Variants in INPP4A observed in about 807,000 individuals in gnomAD.
INPP4A encodes inositol polyphosphate-4-phosphatase, type I, 107kD.
INPP4A carries 33 observed loss-of-function variants against 119.8 expected under a neutral mutation model. That is an observed-to-expected ratio of 0.28 (90% CI 0.21 to 0.37). The LOEUF (loss-of-function observed/expected upper bound fraction) is 0.37, where lower values mean the gene tolerates loss of function less well. INPP4A is among the 10% of genes least tolerant of loss of function. The probability of loss-of-function intolerance (pLI) is 1.00; values close to 1 mark genes in which losing one functional copy is unlikely to be tolerated. For synonymous variants in INPP4A, 496 were observed against 500.7 expected (o/e 0.99, Z 0.12); for missense variants, 956 against 1,289.9 (o/e 0.74, Z 3.97).
At chr2:98,472,794 G>C (rs917833198) in intron 1 of INPP4A, among the ~76,000 whole-genome samples, 1 of 152,228 alleles carries the variant, frequency 6.6e-6, no homozygotes, top group Non-Finnish European at 1.5e-5. Context: ...GCAGTGACTT[G>C]CCCAGAGTCT....
Position 98,589,534 on chromosome 2 carries a change from A to C in INPP4A, c.*1926A>C, listed in dbSNP as rs1457571213. 5.5e-6 allele frequency: 1 copy of C among 180,224 alleles called. No individual in the cohort carries two copies. The highest frequency in any genetic ancestry group is 9.1e-5 in the East Asian group (1 of 10,942). The allele number at this position is 180,224 out of a possible 1,614,324, so 11.2% of individuals were successfully genotyped here. ...GTTGATCATCTGTCAGCAGTTTTGC[A>C]TGTGACACCTTTATATGAATTATTT... is the stretch of plus-strand genomic sequence containing the variant. On this transcript the variant is annotated 3_prime_UTR_variant, in exon 25 of 25. Transcript: ENST00000409851.
At chr2:98,452,088 C>T (rs1167891247) in intron 1 of INPP4A, among the ~76,000 whole-genome samples, 1 of 152,208 alleles carries the variant, frequency 6.6e-6, no homozygotes, top group Non-Finnish European at 1.5e-5. Flanking sequence ...TCGTTGGGGG[C>T]AGTGGGACTG....
chr2:98,483,721 T>G (rs1574658396), intron 1 of INPP4A, among the ~76,000 whole-genome samples: 1 of 152,186 alleles, frequency 6.6e-6, no homozygotes, highest in East Asian at 1.9e-4. Flanking sequence ...CTCTCAGTCC[T>G]TTCTCTTCCT....
At chr2:98,524,013 G>C (rs562652743) in intron 4 of INPP4A, among the ~76,000 whole-genome samples, 2 of 151,970 alleles carry the variant, frequency 1.3e-5, no homozygotes, top group Admixed American at 1.3e-4. Context: ...TAATATATAT[G>C]GGATCTGCTT....
At chr2:98,505,833 T>C (rs766163342) in intron 1 of INPP4A, among the ~76,000 whole-genome samples, 20 of 152,214 alleles carry the variant, frequency 1.3e-4, no homozygotes, top group Non-Finnish European at 4.4e-5. Flanking sequence ...CCATTAGAAA[T>C]ACAGAATATT....
chr2:98,509,540 T>G (rs1684742535), intron 1 of INPP4A, among the ~76,000 whole-genome samples: 1 of 152,146 alleles, frequency 6.6e-6, no homozygotes. Context: ...ACTGCTGTGT[T>G]AAAGAGATTG....
chr2:98,553,586 C>G (rs1216279663), intron 14 of INPP4A, among the ~76,000 whole-genome samples: 2 of 152,044 alleles, frequency 1.3e-5, no homozygotes, highest in African/African-American at 4.8e-5. Context: ...TACACACACA[C>G]ACACCCCAGA....
intron 1 of INPP4A, among the ~76,000 whole-genome samples, chr2:98,479,163 T>C (rs573460124): frequency 5.3e-5 from 8 of 152,324 alleles, no homozygotes; most frequent in Admixed American, 3.3e-4. Context: ...TATTATTCGC[T>C]GATTTTTATC....
intron 1 of INPP4A, among the ~76,000 whole-genome samples, chr2:98,452,648 C>T (rs1160304919): frequency 2.0e-5 from 3 of 152,202 alleles, no homozygotes; most frequent in South Asian, 2.1e-4. Context: ...TTCCCCTGCC[C>T]CCCATTCGCC....
chr2:98,452,826 C>CTGG (rs1483676818), intron 1 of INPP4A, among the ~76,000 whole-genome samples: 4 of 152,200 alleles, frequency 2.6e-5, no homozygotes, highest in Non-Finnish European at 4.4e-5. Context: ...GTCTACCTGG[C>CTGG]TGGTGCTGAA....
At chr2:98,514,187 T>G (rs1411007387) in intron 1 of INPP4A, among the ~76,000 whole-genome samples, 1 of 151,890 alleles carries the variant, frequency 6.6e-6, no homozygotes, top group Non-Finnish European at 1.5e-5. Flanking sequence ...GTCTCCAGAG[T>G]GGTGAGGTCC....
chr2:98,524,664 A>C (rs1233877756), intron 4 of INPP4A, among the ~76,000 whole-genome samples: 1 of 152,238 alleles, frequency 6.6e-6, no homozygotes, highest in East Asian at 1.9e-4. Context: ...ATAAAAGGGC[A>C]GGTAGAGAGA....
intron 15 of INPP4A, 27 bp from the exon 16 acceptor site, chr2:98,555,526 C>A: frequency 6.4e-7 from 1 of 1,569,248 alleles, no homozygotes; most frequent in South Asian, 1.2e-5. Context: ...GGAGAGCTGA[C>A]CCACATGGGC....
intron 24 of INPP4A, among the ~76,000 whole-genome samples, chr2:98,582,052 A>G (rs1256685815): frequency 6.6e-6 from 1 of 152,142 alleles, no homozygotes; most frequent in Non-Finnish European, 1.5e-5. Flanking sequence ...CCACGTCTCT[A>G]CCTTCTGATG....
intron 17 of INPP4A, among the ~76,000 whole-genome samples, chr2:98,562,891 C>T (rs929750677): frequency 6.6e-6 from 1 of 152,044 alleles, no homozygotes; most frequent in Non-Finnish European, 1.5e-5. Context: ...AAGGTGGGGC[C>T]GTTCTGAGGG....
At chr2:98,508,031 A>G (rs974246793) in intron 1 of INPP4A, among the ~76,000 whole-genome samples, 1 of 152,164 alleles carries the variant, frequency 6.6e-6, no homozygotes, top group Non-Finnish European at 1.5e-5. Context: ...CGGCAAGGCA[A>G]AGGACATTGC....
In INPP4A at chr2:98,450,361, A is replaced by G. The variant is rs369517038; in HGVS notation, c.-166+5276A>G. Among the ~76,000 whole-genome samples the G allele has an allele frequency of 1.6e-4, 24 of 152,374 alleles. 2 individuals carry two copies. The highest frequency in any genetic ancestry group is 5.2e-4 in the Admixed American group (8 of 15,312). On this transcript the variant is annotated intron_variant, in intron 1 of 24. Transcript: ENST00000409851. ...TAAAAATTGATTACCTGGATTTGCC[A>G]GTATCAACAATTTCTGTTTTCAGTA...
At chr2:98,574,619 T>C (rs1214733933) in intron 23 of INPP4A, among the ~76,000 whole-genome samples, 1 of 144,496 alleles carries the variant, frequency 6.9e-6, no homozygotes, top group Non-Finnish European at 1.5e-5. Flanking sequence ...GCCTGGGTGA[T>C]AGAGTGAGAC....
At chr2:98,489,242 T>A (rs1574694211) in intron 1 of INPP4A, among the ~76,000 whole-genome samples, 1 of 151,924 alleles carries the variant, frequency 6.6e-6, no homozygotes, top group Non-Finnish European at 1.5e-5. Context: ...GGGAATGTGG[T>A]CTCGGGTCTC....
Sources: gnomAD v4.1 joint callset for allele counts (sites outside exome capture counted in the v4.1 genomes callset) on GRCh38, gnomAD v4.1.1 for gene constraint, MANE v1.5 for transcripts, NCBI Gene and HGNC (gene_info 2026-07-23, HGNC 2026-07-21) for gene names.